The following MTUS2 variants were observed in gnomAD, a reference collection of about 807,000 sequenced individuals.
MTUS2 encodes the protein microtubule-associated tumor suppressor candidate 2.
MTUS2 carries 40 observed loss-of-function variants against 114.1 expected under a neutral mutation model. The observed-to-expected ratio is 0.35, with a 90% CI of 0.27 to 0.46. The LOEUF is 0.46. Ranked by LOEUF, MTUS2 falls within the 20% of genes least tolerant of loss-of-function variation. The pLI, the probability that MTUS2 is intolerant of heterozygous loss-of-function variation, is 1.00. For missense variants in MTUS2, 1,679 were observed against 1,705.4 expected, an observed-to-expected ratio of 0.98 and a Z score of 0.27; for synonymous variants, 688 against 672.0, an observed-to-expected ratio of 1.02 and a Z score of -0.37.
intron 4 of MTUS2, among the ~76,000 whole-genome samples, chr13:29,046,183 G>C (rs565563276): frequency 6.6e-6 from 1 of 150,954 alleles, no homozygotes; most frequent in African/African-American, 2.4e-5. Flanking sequence ...CGTGATGTCA[G>C]CTCACTTCAG....
chr13:28,875,378 A>G lies in MTUS2; in HGVS notation c.-243+35528A>G, dbSNP rs1212989314. 2.0e-5 allele frequency among the ~76,000 whole-genome samples: 3 copies of G among 152,364 alleles called. No homozygotes were observed. In the East Asian group the frequency reaches 5.8e-4, roughly 29 times the overall value. ...ATGAATGAATAAATGAATCTAGTAG[A>G]TGCTATTGGTTCTTGATTAGAGAAG... On this transcript the variant is annotated intron_variant, in intron 2 of 15. Transcript: ENST00000612955.
chr13:29,056,405 G>A (rs1016348627), intron 4 of MTUS2, among the ~76,000 whole-genome samples: 1 of 151,972 alleles, frequency 6.6e-6, no homozygotes, highest in African/African-American at 2.4e-5. Flanking sequence ...AATAGTTTCA[G>A]TGGAAATGAT....
At chr13:28,935,944 G>C (rs543735203) in intron 2 of MTUS2, among the ~76,000 whole-genome samples, 1 of 152,010 alleles carries the variant, frequency 6.6e-6, no homozygotes, top group African/African-American at 2.4e-5. Flanking sequence ...ATGGGATCTC[G>C]CTCTGTTGCC....
At chr13:29,000,583 C>G (rs1456736311) in intron 2 of MTUS2, among the ~76,000 whole-genome samples, 2 of 152,148 alleles carry the variant, frequency 1.3e-5, no homozygotes, top group Non-Finnish European at 2.9e-5. Context: ...CCAGGCTGGT[C>G]TCAAACTCCT....
intron 7 of MTUS2, 145 bp from the exon 8 acceptor site, chr13:29,359,113 GTTTT>G: frequency 3.9e-6 from 3 of 776,724 alleles, no homozygotes; most frequent in Non-Finnish European, 6.1e-6. Context: ...GTCCCTGACT[GTTTT>G]TTCTTTTCAA....
At chr13:29,421,865 A>G (rs1488916146) in intron 8 of MTUS2, among the ~76,000 whole-genome samples, 2 of 152,238 alleles carry the variant, frequency 1.3e-5, no homozygotes, top group Admixed American at 6.5e-5. Context: ...CCTGACTACA[A>G]TGACGGAGGG....
chr13:28,878,681 A>T (rs986996149), intron 2 of MTUS2, among the ~76,000 whole-genome samples: 1 of 152,220 alleles, frequency 6.6e-6, no homozygotes, highest in Non-Finnish European at 1.5e-5. Flanking sequence ...TTATGGCTGC[A>T]TAGTATTCTA....
At chr13:29,067,667 A>G (rs751848565) in intron 4 of MTUS2, among the ~76,000 whole-genome samples, 1 of 152,138 alleles carries the variant, frequency 6.6e-6, no homozygotes, top group Non-Finnish European at 1.5e-5. Context: ...GAGGGGGAAG[A>G]AGAGTTGAGT....
At chr13:28,872,703 C>A (rs536575006) in intron 2 of MTUS2, among the ~76,000 whole-genome samples, 3 of 152,100 alleles carry the variant, frequency 2.0e-5, no homozygotes, top group Non-Finnish European at 4.4e-5. Context: ...TCACACATTG[C>A]CTCCTCTCCC....
intron 9 of MTUS2, among the ~76,000 whole-genome samples, chr13:29,443,307 T>C (rs981533812): frequency 6.6e-6 from 1 of 152,254 alleles, no homozygotes; most frequent in Non-Finnish European, 1.5e-5. Context: ...ATGGGCAAGC[T>C]TTGGCTCTGG....
chr13:29,437,097 A>G (rs1309844487), intron 8 of MTUS2, among the ~76,000 whole-genome samples: 1 of 152,114 alleles, frequency 6.6e-6, no homozygotes, highest in Non-Finnish European at 1.5e-5. Context: ...GATGTGAGAG[A>G]TCCCTAGGGC....
chr13:29,142,877 G>A (rs1341954998), intron 5 of MTUS2, among the ~76,000 whole-genome samples: 1 of 152,162 alleles, frequency 6.6e-6, no homozygotes. Context: ...ACTTGAAGGG[G>A]CAACATGTAC....
chr13:28,870,493 C>G (rs1426078115), intron 2 of MTUS2, among the ~76,000 whole-genome samples: 2 of 152,088 alleles, frequency 1.3e-5, no homozygotes, highest in Non-Finnish European at 2.9e-5. Context: ...TCTGGTTGGC[C>G]CATTCCCCAT....
intron 5 of MTUS2, among the ~76,000 whole-genome samples, chr13:29,134,748 C>T (rs945651409): frequency 2.5e-4 from 38 of 152,174 alleles, no homozygotes; most frequent in African/African-American, 9.2e-4. Context: ...CAGGCATCCG[C>T]CACACACCTG....
At chr13:29,298,841 C>G (rs1899063765) in intron 6 of MTUS2, among the ~76,000 whole-genome samples, 2 of 152,098 alleles carry the variant, frequency 1.3e-5, no homozygotes, top group African/African-American at 4.8e-5. Flanking sequence ...TGGGAGTGTT[C>G]AGGAATCTCC....
intron 2 of MTUS2, among the ~76,000 whole-genome samples, chr13:29,000,542 T>G (rs1368201252): frequency 2.9e-4 from 44 of 152,024 alleles, no homozygotes; most frequent in Admixed American, 2.9e-3. Flanking sequence ...TTTTTTGTAG[T>G]TTTGGTAGAA....
At chr13:29,385,238 G>A (rs1179039081) in intron 8 of MTUS2, among the ~76,000 whole-genome samples, 1 of 152,234 alleles carries the variant, frequency 6.6e-6, no homozygotes, top group East Asian at 1.9e-4. Context: ...GGTCCAACCA[G>A]AAGATCATGT....
intron 8 of MTUS2, among the ~76,000 whole-genome samples, chr13:29,438,689 C>T (rs1282717780): frequency 6.6e-6 from 1 of 152,176 alleles, no homozygotes; most frequent in African/African-American, 2.4e-5. Context: ...TACCTTCAGA[C>T]TATAGCAGGG....
intron 2 of MTUS2, among the ~76,000 whole-genome samples, chr13:28,878,592 T>G (rs1181432553): frequency 6.6e-6 from 1 of 152,200 alleles, no homozygotes; most frequent in Admixed American, 6.5e-5. Flanking sequence ...GTGTTTGGTT[T>G]TCTGTTCCTG....
Sources: gnomAD v4.1 joint callset for allele counts (sites outside exome capture counted in the v4.1 genomes callset) on GRCh38, gnomAD v4.1.1 for gene constraint, MANE v1.5 for transcripts, NCBI Gene and HGNC (gene_info 2026-07-23, HGNC 2026-07-21) for gene names.